DYNC1H1: variants seen among roughly 807,000 people sequenced by gnomAD.
DYNC1H1 encodes the protein dynein cytoplasmic 1 heavy chain 1.
DYNC1H1 carries 51 observed loss-of-function variants against 527.1 expected under a neutral mutation model. The observed-to-expected ratio is 0.10, with a 90% CI of 0.08 to 0.12. The LOEUF is 0.12. Ranked by LOEUF, DYNC1H1 falls within the 10% of genes least tolerant of loss-of-function variation. The probability of loss-of-function intolerance (pLI) is 1.00; values close to 1 mark genes in which losing one functional copy is unlikely to be tolerated. For synonymous variants in DYNC1H1, 2,189 were observed against 2,278.8 expected (o/e 0.96, Z 1.12); for missense variants, 2,771 against 5,971.8 (o/e 0.46, Z 17.66).
Position 102,018,704 on chromosome 14 carries a change from T to G in DYNC1H1, c.8343+88T>G. On this transcript the variant is annotated intron_variant, in intron 41 of 77. Coordinates refer to ENST00000360184, the MANE Select transcript of DYNC1H1 (RefSeq NM_001376.5). This position sits in a 1 kb window ranked among gnomAD's most constrained non-coding sequence, Gnocchi z 5.2. ...GGTCAGGTGTGGTGGTTCACACCTG[T>G]AATCCCAGCATTTTGGGAGGCCAAG... 1 of 1,527,258 alleles carries G rather than the reference T, an allele frequency of 6.5e-7. No homozygotes were observed. Among genetic ancestry groups the G allele is most frequent in the Non-Finnish European group, 8.9e-7 (1 of 1,129,432 alleles). The allele number at this position is 1,527,258 out of a possible 1,614,324, so 94.6% of individuals were successfully genotyped here.
rs2048129126 is a variant in DYNC1H1, at chr14:102,001,398, C to T, written c.4395+44C>T. On this transcript the variant is annotated intron_variant, in intron 20 of 77. Coordinates refer to ENST00000360184, the MANE Select transcript of DYNC1H1 (RefSeq NM_001376.5). The surrounding 1 kb of genome is among the most constrained non-coding windows in gnomAD (Gnocchi z 5.0). ...CGGCTGCTTTACGTTGTGTTTCGGGCTGTTACATAGATCTGAGCTATGTAA... is the reference window on the plus strand; with the variant it reads ...CGGCTGCTTTACGTTGTGTTTCGGGTTGTTACATAGATCTGAGCTATGTAA... The T allele has an allele frequency of 1.2e-5, 19 of 1,613,104 alleles. No homozygotes were observed. Among genetic ancestry groups the T allele is most frequent in the African/African-American group, 2.7e-5 (2 of 74,888 alleles).
chr14:102,014,170 C>T (rs2048292856), intron 34 of DYNC1H1, among the ~76,000 whole-genome samples: 2 of 152,144 alleles, frequency 1.3e-5, no homozygotes, highest in Admixed American at 6.6e-5. Flanking sequence ...CTCTGGAGTC[C>T]GACCACCTGC....
In DYNC1H1 at chr14:102,049,922, T is replaced by C. The variant is rs1270983352; in HGVS notation, c.13684+40T>C. On this transcript the variant is annotated intron_variant, in intron 76 of 77. Coordinates refer to ENST00000360184, the MANE Select transcript of DYNC1H1 (RefSeq NM_001376.5). The surrounding 1 kb of genome is among the most constrained non-coding windows in gnomAD (Gnocchi z 5.5). ...ACAGAAAATACTGGCTCTTTGCAGG[T>C]GACCTCGGTGGCCTGAGACCATTGT... 3 of 1,556,568 alleles carry C rather than the reference T, an allele frequency of 1.9e-6. No individual in the cohort carries two copies. The highest frequency in any genetic ancestry group is 2.2e-5 in the South Asian group (2 of 88,962).
rs752938954 is a variant in DYNC1H1, at chr14:102,006,017, C to A, written c.5563C>A (p.Gln1855Lys). ...YFDPKQTDVL[Q>K]QLSIQMANAK... ...TGACCCTAAGCAAACTGATGTGTTA[C>A]AGCAGTTGTCAATTCAAATGGCAAA... The change falls in exon 27 of 78, where the codon CAG (glutamine) becomes AAG (lysine). Residue 1855 changes from glutamine to lysine, a missense_variant. Coordinates refer to ENST00000360184, the MANE Select transcript of DYNC1H1 (RefSeq NM_001376.5). 1.2e-6 allele frequency: 2 copies of A among 1,614,240 alleles called. No homozygotes were observed. The highest frequency in any genetic ancestry group is 2.2e-5 in the South Asian group (2 of 91,090).
At position 101,964,679 on chromosome 14, in the gene DYNC1H1, C is replaced by CG; in HGVS notation, c.-12dup. 6.3e-7 allele frequency: 1 copy of CG among 1,582,192 alleles called. No homozygotes were observed. Among genetic ancestry groups the CG allele is most frequent in the Non-Finnish European group, 8.5e-7 (1 of 1,170,066 alleles). ...CCTTCTCATCGCTCCTGGAAGGTCC[C>CG]GAGCGCGACACCATGTCGGAGCCCG... On this transcript the variant is annotated 5_prime_UTR_variant, in exon 1 of 78. Transcript: ENST00000360184. The surrounding 1 kb of genome is among the most constrained non-coding windows in gnomAD (Gnocchi z 5.5).
rs1205068618 is a variant in DYNC1H1 at position 102,012,716 on chromosome 14, T to C, written c.7014+246T>C. The C allele has an allele frequency of 1.8e-6, 1 of 554,024 alleles. No homozygotes were observed. The highest frequency in any genetic ancestry group is 1.9e-5 in the African/African-American group (1 of 52,878). 34.3% of individuals were successfully genotyped at this position (554,024 alleles called of 1,614,324 possible). A position where few individuals can be genotyped will look rare whatever the true frequency, so the allele number is the denominator to read the frequency against. ...CATTTATTGAGTAATAAGCACACTC[T>C]ATGATTATCAGTTAACCCTGTATGG... On this transcript the variant is annotated intron_variant, in intron 34 of 77. Coordinates refer to ENST00000360184, the MANE Select transcript of DYNC1H1 (RefSeq NM_001376.5). The surrounding 1 kb of genome is among the most constrained non-coding windows in gnomAD (Gnocchi z 4.9).
chr14:101,976,687 A>G (rs1218604701), intron 2 of DYNC1H1, among the ~76,000 whole-genome samples: 1 of 152,192 alleles, frequency 6.6e-6, no homozygotes, highest in Admixed American at 6.5e-5. Flanking sequence ...TTGCCATATC[A>G]TGGCATCTAT....
chr14:102,033,816 A>C lies in DYNC1H1; in HGVS notation c.10414-160A>C, dbSNP rs10149958. On this transcript the variant is annotated intron_variant, in intron 54 of 77. Transcript: ENST00000360184. The surrounding 1 kb of genome is among the most constrained non-coding windows in gnomAD (Gnocchi z 5.6). ...TGAGTCGTGTGTGGTCATTAGTTAT[A>C]TATGATCTGGGTCTCATCTCCTCTG... 1.3e-6 allele frequency: 1 copy of C among 780,774 alleles called. No individual in the cohort carries two copies. The allele number at this position is 780,774 out of a possible 1,614,324, so 48.4% of individuals were successfully genotyped here.
At position 102,020,045 on chromosome 14, in the gene DYNC1H1, C is replaced by T; in HGVS notation, c.8496C>T (p.Leu2832=). The change falls in exon 42 of 78, where the codon CTC becomes CTT. Residue 2832 remains leucine (L), a synonymous_variant. Coordinates refer to ENST00000360184, the MANE Select transcript of DYNC1H1 (RefSeq NM_001376.5). This position sits in a 1 kb window ranked among gnomAD's most constrained non-coding sequence, Gnocchi z 4.3. ...TTTGGGCACATGAAGCTCTGCGTCT[C>T]TTCCAAGATAGGTAAGGGAAGCCGA... The part of the protein sequence containing the change: ...IRIWAHEALR[L]FQDRLVEDEE... 2 of 1,614,194 alleles carry T rather than the reference C, an allele frequency of 1.2e-6. No individual in the cohort carries two copies. The highest frequency in any genetic ancestry group is 8.5e-7 in the Non-Finnish European group (1 of 1,180,028).
rs143651454 is a variant in DYNC1H1, at chr14:101,990,648, G to A, written c.2869-879G>A. ...CCAGCACTTTGGGAGGCCAAGGTGG[G>A]CAGATCGCTTGAGCTCTGAAGTTTG... On this transcript the variant is annotated intron_variant, in intron 10 of 77. Coordinates refer to ENST00000360184, the MANE Select transcript of DYNC1H1 (RefSeq NM_001376.5). 6.2e-3 allele frequency among the ~76,000 whole-genome samples: 949 copies of A among 152,314 alleles called. 9 individuals carry two copies. Among genetic ancestry groups the A allele is most frequent in the African/African-American group, 0.022 (922 of 41,560 alleles).
Position 101,997,067 on chromosome 14 carries a change from G to A in DYNC1H1, c.3597G>A (p.Lys1199=), listed in dbSNP as rs747416080. 6 of 1,614,194 alleles carry A rather than the reference G, an allele frequency of 3.7e-6. No individual in the cohort carries two copies. Among genetic ancestry groups the A allele is most frequent in the Non-Finnish European group, 5.1e-6 (6 of 1,180,024 alleles). Residue 1199 remains lysine (K), a synonymous_variant, in exon 16 of 78, where the codon AAG becomes AAA. Transcript: ENST00000360184. This position sits in a 1 kb window ranked among gnomAD's most constrained non-coding sequence, Gnocchi z 4.8. The part of the protein sequence containing the change: ...LYRNGQRLLE[K]QRFQFPPSWL... ...GCAATGGCCAGCGCTTACTGGAAAAGCAAAGGTTCCAGTTCCCACCTTCCT... is the reference window on the plus strand; with the variant it reads ...GCAATGGCCAGCGCTTACTGGAAAAACAAAGGTTCCAGTTCCCACCTTCCT...
intron 1 of DYNC1H1, among the ~76,000 whole-genome samples, chr14:101,969,054 G>A (rs1052723829): frequency 4.6e-5 from 7 of 151,848 alleles, no homozygotes; most frequent in African/African-American, 1.7e-4. Context: ...GTCTCGCCCT[G>A]TCTCCCAGGC....
In DYNC1H1 at chr14:102,027,785, C is replaced by T; in HGVS notation, c.9215C>T (p.Ser3072Leu). 2.5e-6 allele frequency: 4 copies of T among 1,614,204 alleles called. No individual in the cohort carries two copies. The highest frequency in any genetic ancestry group is 3.4e-6 in the Non-Finnish European group (4 of 1,180,042). ...LHVVFTMNPS[S>L]EGLKDRAATS... ...GTCGTGTTCACCATGAACCCGTCCT[C>T]GGAGGGACTCAAGGACCGGGCAGCT... Residue 3072 changes from serine (S) to leucine (L), a missense_variant, in exon 47 of 78, where the codon TCG becomes TTG. Physicochemically the swap from Ser to Leu is moderately radical, Grantham distance 145. This residue lies in a region of DYNC1H1 where 84 missense variants were observed against 285.4 expected (regional missense o/e 0.29). Coordinates refer to ENST00000360184, the MANE Select transcript of DYNC1H1 (RefSeq NM_001376.5). The surrounding 1 kb of genome is among the most constrained non-coding windows in gnomAD (Gnocchi z 7.7).
rs891643540 is a variant in DYNC1H1 at position 101,995,162 on chromosome 14, C to A, written c.3445-19C>A. The A allele has an allele frequency of 2.5e-6, 4 of 1,614,262 alleles. No individual in the cohort carries two copies. The Admixed American group carries it at 6.7e-5, about 27-fold the overall frequency. On this transcript the variant is annotated intron_variant, in intron 14 of 77. Coordinates refer to ENST00000360184, the MANE Select transcript of DYNC1H1 (RefSeq NM_001376.5). ...TGAACCCCAGCTCTGTGATGAAATA[C>A]TCCCCTCTCTCTGAACAGTCCCGCC...
intron 29 of DYNC1H1, 107 bp from the exon 30 acceptor site, chr14:102,009,736 T>A (rs961419022): frequency 1.3e-6 from 2 of 1,577,834 alleles, no homozygotes; most frequent in Non-Finnish European, 1.7e-6. Flanking sequence ...CTACTTCAGC[T>A]CCCTGGGAGA....
rs1595617838 is a variant in DYNC1H1, at chr14:102,017,170, C to T, written c.7931C>T (p.Thr2644Ile). 1.2e-6 allele frequency: 2 copies of T among 1,614,236 alleles called. No individual in the cohort carries two copies. The highest frequency in any genetic ancestry group is 1.7e-6 in the Non-Finnish European group (2 of 1,180,036). Residue 2644 changes from threonine to isoleucine, a missense_variant, in exon 39 of 78, where the codon ACA (threonine) becomes ATA (isoleucine). Physicochemically the swap from Thr to Ile is moderately conservative, Grantham distance 89. This residue lies in a region of DYNC1H1 where 163 missense variants were observed against 346.9 expected (regional missense o/e 0.47). Transcript: ENST00000360184. This position sits in a 1 kb window ranked among gnomAD's most constrained non-coding sequence, Gnocchi z 4.6. The part of the protein sequence containing the change: ...TFDHYCEYRR[T>I]PNGVVLAPVQ... ...GATCACTACTGCGAGTACAGGCGCA[C>T]ACCTAATGGGGTGGTTTTGGCTCCT...
intron 73 of DYNC1H1, 191 bp downstream of exon 73, chr14:102,048,219 T>C (rs2048753899): frequency 3.8e-6 from 3 of 782,230 alleles, no homozygotes; most frequent in African/African-American, 3.5e-5. Flanking sequence ...TGAAATGGAC[T>C]GAAAACACCC....
intron 55 of DYNC1H1, 49 bp downstream of exon 55, chr14:102,034,237 A>G (rs1177470019): frequency 1.2e-6 from 2 of 1,614,220 alleles, no homozygotes; most frequent in Admixed American, 3.3e-5. Context: ...GTGTGAGGCA[A>G]GCTGGTGTTT....
Position 101,983,661 on chromosome 14 carries a change from TTTTG to T in DYNC1H1, c.1461+57_1461+60del. On this transcript the variant is annotated intron_variant, in intron 7 of 77. Transcript: ENST00000360184. The surrounding 1 kb of genome is among the most constrained non-coding windows in gnomAD (Gnocchi z 5.3). ...GTTTTGTTTTTGTTTTTGTTTTGTTTTTTGTTTGGTGTTTTTTTTTTGTTGTTGT... is the reference window on the plus strand; with the variant it reads ...GTTTTGTTTTTGTTTTTGTTTTGTTTTTTGGTGTTTTTTTTTTGTTGTTGT... 1 of 1,568,534 alleles carries T rather than the reference TTTTG, an allele frequency of 6.4e-7. No individual in the cohort carries two copies. The highest frequency in any genetic ancestry group is 8.7e-7 in the Non-Finnish European group (1 of 1,154,092).
Sources: gnomAD v4.1 joint callset for allele counts (sites outside exome capture counted in the v4.1 genomes callset) on GRCh38, gnomAD v4.1.1 for gene constraint, gnomAD v4.1.1 regional missense constraint, Gnocchi (gnomAD v3.1) non-coding constraint, MANE v1.5 for transcripts, NCBI Gene and HGNC (gene_info 2026-07-23, HGNC 2026-07-21) for gene names.